FRMD6: variants seen among roughly 807,000 people sequenced by gnomAD.
The protein encoded by FRMD6 is FERM domain containing 6.
A neutral mutation model predicts 73.2 loss-of-function variants in FRMD6; 37 were observed. The ratio of observed to expected loss-of-function variants is 0.51; its 90% CI spans 0.39 to 0.66. FRMD6 has a LOEUF of 0.66. Among genes scored for constraint, FRMD6 ranks in the 30% least tolerant of loss-of-function variants. The pLI is 0.00. For missense variants in FRMD6, 714 were observed against 780.5 expected (o/e 0.91, Z 1.02); for synonymous variants, 273 against 282.2 (o/e 0.97, Z 0.33).
chr14:51,536,001 C>G (rs1185704047), intron 1 of FRMD6, among the ~76,000 whole-genome samples: 1 of 149,954 alleles, frequency 6.7e-6, no homozygotes, highest in Non-Finnish European at 1.5e-5. Context: ...TCTGTTTATT[C>G]TCCTATGGTA....
At chr14:51,527,187 G>T (rs948996320) in intron 1 of FRMD6, among the ~76,000 whole-genome samples, 5 of 152,260 alleles carry the variant, frequency 3.3e-5, no homozygotes, top group African/African-American at 1.2e-4. Context: ...TAAAGAAGTA[G>T]CCACTGTTCC....
rs1050133797 is a variant in FRMD6 at position 51,533,012 on chromosome 14, G to A, written c.-209-37336G>A. On this transcript the variant is annotated intron_variant, in intron 1 of 14. Transcript: ENST00000356218. ...CTGCTATTAGCTCACTCTGAATAAT[G>A]TATCTTTAGAACAGTCCAGAAAATG... 4.6e-5 allele frequency among the ~76,000 whole-genome samples: 7 copies of A among 152,342 alleles called. No homozygotes were observed. The East Asian group carries it at 1.2e-3, about 25-fold the overall frequency.
At chr14:51,425,667 A>G in the FRMD6 span, among the ~76,000 whole-genome samples, 1 of 152,114 alleles carries the variant, frequency 6.6e-6, no homozygotes, top group Non-Finnish European at 1.5e-5. Flanking sequence ...CATTCTGTGT[A>G]TGGCTGCAGT....
intron 1 of FRMD6, among the ~76,000 whole-genome samples, chr14:51,686,567 A>C (rs563256282): frequency 6.6e-6 from 1 of 152,264 alleles, no homozygotes; most frequent in Non-Finnish European, 1.5e-5. Flanking sequence ...GTTGGATATT[A>C]ATAAATAAAG....
the FRMD6 span, among the ~76,000 whole-genome samples, chr14:51,453,861 G>A: frequency 1.3e-5 from 2 of 152,142 alleles, no homozygotes; most frequent in Non-Finnish European, 2.9e-5. Flanking sequence ...ATACAGAAAG[G>A]CAACGTCAAG....
intron 2 of FRMD6, among the ~76,000 whole-genome samples, chr14:51,605,158 T>TA (rs1555326729): frequency 1.8e-3 from 242 of 134,088 alleles, no homozygotes; most frequent in African/African-American, 5.9e-3. Flanking sequence ...TTTTTTTTTT[T>TA]ATTGATCATT....
intron 2 of FRMD6, among the ~76,000 whole-genome samples, chr14:51,619,154 AGC>A (rs1181111921): frequency 6.6e-6 from 1 of 151,922 alleles, no homozygotes; most frequent in Non-Finnish European, 1.5e-5. Context: ...GATTCAGTAA[AGC>A]GCAAGTCTTC....
intron 1 of FRMD6, among the ~76,000 whole-genome samples, chr14:51,540,661 A>T (rs1025502099): frequency 3.9e-5 from 6 of 152,138 alleles, no homozygotes; most frequent in African/African-American, 1.4e-4. Context: ...CCTGAGGCTC[A>T]TCCTTTTTAT....
intron 1 of FRMD6, among the ~76,000 whole-genome samples, chr14:51,530,403 G>A (rs1329545575): frequency 6.6e-6 from 1 of 152,198 alleles, no homozygotes; most frequent in Non-Finnish European, 1.5e-5. Context: ...AAAGTAACAG[G>A]TAGATATTAA....
chr14:51,407,216 A>C, the FRMD6 span, among the ~76,000 whole-genome samples: 1 of 151,786 alleles, frequency 6.6e-6, no homozygotes, highest in Admixed American at 6.6e-5. Flanking sequence ...ATTGTATTTG[A>C]TTAGCTCATA....
chr14:51,644,381 A>T (rs1298263751), intron 2 of FRMD6, among the ~76,000 whole-genome samples: 1 of 134,288 alleles, frequency 7.4e-6, no homozygotes, highest in East Asian at 2.1e-4. Context: ...ACACACACAC[A>T]CACACACTCA....
At chr14:51,508,564 C>A (rs895135456) in intron 1 of FRMD6, among the ~76,000 whole-genome samples, 1 of 152,092 alleles carries the variant, frequency 6.6e-6, no homozygotes, top group Non-Finnish European at 1.5e-5. Context: ...ATGGAGGAAA[C>A]GTAAAATACA....
chr14:51,431,933 C>A, the FRMD6 span, among the ~76,000 whole-genome samples: 1 of 152,150 alleles, frequency 6.6e-6, no homozygotes, highest in South Asian at 2.1e-4. Flanking sequence ...TACCATTGAG[C>A]TGTGTGAGCT....
chr14:51,560,456 A>T (rs987024093), intron 1 of FRMD6, among the ~76,000 whole-genome samples: 1 of 152,118 alleles, frequency 6.6e-6, no homozygotes, highest in Non-Finnish European at 1.5e-5. Flanking sequence ...ATCTCTGTTG[A>T]CATCCCACTC....
chr14:51,669,773 GT>G (rs1204580313), intron 1 of FRMD6, among the ~76,000 whole-genome samples: 1 of 151,964 alleles, frequency 6.6e-6, no homozygotes, highest in Non-Finnish European at 1.5e-5. Flanking sequence ...TTCCAAATAT[GT>G]TTTGAAAATG....
chr14:51,509,146 ATCAATCTTGATAC>A (rs1596514359), intron 1 of FRMD6, among the ~76,000 whole-genome samples: 1 of 152,180 alleles, frequency 6.6e-6, no homozygotes, highest in East Asian at 1.9e-4. Flanking sequence ...CACAAGAAAA[ATCAATCTTGATAC>A]TTTAATTTTG....
the FRMD6 span, among the ~76,000 whole-genome samples, chr14:51,444,130 T>C: frequency 3.9e-5 from 6 of 152,190 alleles, no homozygotes; most frequent in African/African-American, 1.4e-4. Flanking sequence ...GGTTTTGCCA[T>C]GTTGACCAGG....
the FRMD6 span, among the ~76,000 whole-genome samples, chr14:51,477,770 C>T: frequency 1.4e-5 from 2 of 146,034 alleles, no homozygotes; most frequent in African/African-American, 5.1e-5. Flanking sequence ...GACAGAATCT[C>T]ACTCTGTCAC....
chr14:51,434,996 A>G, the FRMD6 span, among the ~76,000 whole-genome samples: 1 of 152,218 alleles, frequency 6.6e-6, no homozygotes, highest in African/African-American at 2.4e-5. Context: ...GGAGACAAAA[A>G]AGACTAAGGT....
Sources: gnomAD v4.1 joint callset for allele counts (sites outside exome capture counted in the v4.1 genomes callset) on GRCh38, gnomAD v4.1.1 for gene constraint, MANE v1.5 for transcripts, NCBI Gene and HGNC (gene_info 2026-07-23, HGNC 2026-07-21) for gene names.